The following POMK variants were observed in gnomAD, a reference collection of about 807,000 sequenced individuals.
POMK encodes the protein protein O-mannose kinase, also known as Sugen kinase 196.
POMK carries 19 observed loss-of-function variants against 23.0 expected under a neutral mutation model. The observed-to-expected ratio is 0.83, with a 90% CI of 0.58 to 1.21. The LOEUF (loss-of-function observed/expected upper bound fraction) is 1.21, where lower values mean the gene tolerates loss of function less well. POMK is among the 50% of genes most tolerant of loss of function. The pLI is 0.00. For synonymous variants in POMK, 173 were observed against 171.6 expected (o/e 1.01, Z -0.06); for missense variants, 410 against 431.3 (o/e 0.95, Z 0.44).
intron 2 of POMK, among the ~76,000 whole-genome samples, chr8:43,101,411 C>T (rs1306628450): frequency 1.4e-5 from 2 of 138,614 alleles, no homozygotes; most frequent in East Asian, 2.0e-4. Context: ...GAGTCAGACC[C>T]TATGTCAAAA....
chr8:43,113,381 C>T (rs1015969088), intron 4 of POMK, among the ~76,000 whole-genome samples: 1 of 152,144 alleles, frequency 6.6e-6, no homozygotes, highest in African/African-American at 2.4e-5. Flanking sequence ...TCACTGATAC[C>T]CTTTCTTCCA....
intron 4 of POMK, among the ~76,000 whole-genome samples, chr8:43,117,006 G>A (rs538601656): frequency 3.5e-4 from 53 of 152,094 alleles, no homozygotes; most frequent in African/African-American, 1.1e-3. Flanking sequence ...AGTGGGGGTC[G>A]CAAGGTGCTC....
chr8:43,118,525 TAAA>T (rs1398758980), intron 4 of POMK, among the ~76,000 whole-genome samples: 1 of 152,156 alleles, frequency 6.6e-6, no homozygotes, highest in African/African-American at 2.4e-5. Context: ...AATTTTATAA[TAAA>T]AAAGTAAAGT....
chr8:43,109,870 T>C (rs1811614507), intron 4 of POMK, among the ~76,000 whole-genome samples: 1 of 152,248 alleles, frequency 6.6e-6, no homozygotes, highest in Non-Finnish European at 1.5e-5. Flanking sequence ...TATGAATCTT[T>C]TATAACCCTT....
rs932495819 is a variant in POMK at position 43,110,920 on chromosome 8, TA to T, written c.282+7101del. ...GGGGTACAAGAGTGAGCCTCCGTCTTAAAAAAAAAAAGTCTTGGGGGTGAAG... is the reference window on the plus strand; with the variant it reads ...GGGGTACAAGAGTGAGCCTCCGTCTTAAAAAAAAAAGTCTTGGGGGTGAAG... On this transcript the variant is annotated intron_variant, in intron 4 of 4. Transcript: ENST00000331373. Among the ~76,000 whole-genome samples the T allele has an allele frequency of 6.6e-4, 95 of 143,866 alleles. 1 individual carries two copies. The East Asian group carries it at 6.9e-3, about 10-fold the overall frequency. The allele number at this position is 143,866 out of a possible 152,430, so 94.4% of individuals were successfully genotyped here. A position where few individuals can be genotyped will look rare whatever the true frequency, so the allele number is the denominator to read the frequency against.
intron 4 of POMK, among the ~76,000 whole-genome samples, chr8:43,113,344 G>C (rs546412760): frequency 6.6e-6 from 1 of 151,990 alleles, no homozygotes; most frequent in South Asian, 2.1e-4. Context: ...TTCCCTTCTT[G>C]CTTCATTTCT....
intron 1 of POMK, among the ~76,000 whole-genome samples, chr8:43,096,282 C>T (rs1811333502): frequency 6.6e-6 from 1 of 152,148 alleles, no homozygotes; most frequent in Non-Finnish European, 1.5e-5. Context: ...CAGGAGGCCA[C>T]ATAAGAGTTT....
intron 4 of POMK, among the ~76,000 whole-genome samples, chr8:43,106,089 G>A (rs151199652): frequency 6.6e-6 from 1 of 152,334 alleles, no homozygotes; most frequent in South Asian, 2.1e-4. Flanking sequence ...CATAATGGCT[G>A]TACTAATTTA....
chr8:43,118,971 C>T (rs1220505710), intron 4 of POMK, among the ~76,000 whole-genome samples: 1 of 152,132 alleles, frequency 6.6e-6, no homozygotes, highest in African/African-American at 2.4e-5. Context: ...GCCACCATGC[C>T]CGGCTAATTT....
chr8:43,115,226 A>T (rs1420184123), intron 4 of POMK, among the ~76,000 whole-genome samples: 2 of 152,036 alleles, frequency 1.3e-5, no homozygotes, highest in South Asian at 4.1e-4. Context: ...CTGCCTCCTC[A>T]TCCCTTCCAT....
rs531721761 is a variant in POMK at position 43,097,537 on chromosome 8, T to C, written c.-196T>C. The stretch of plus-strand genomic sequence containing the variant: ...AAACACTTAAAGAAAAAGGATCCTG[T>C]TTGCTGTGTAATCCTGAGAATGGAC... On this transcript the variant is annotated 5_prime_UTR_variant, in exon 2 of 5. Coordinates refer to ENST00000331373, the MANE Select transcript of POMK (RefSeq NM_032237.5). 2 of 152,300 alleles carry C rather than the reference T, an allele frequency of 1.3e-5. No homozygotes were observed. Among genetic ancestry groups the C allele is most frequent in the Non-Finnish European group, 2.9e-5 (2 of 68,022 alleles). The allele number at this position is 152,300 out of a possible 1,614,324, so 9.4% of individuals were successfully genotyped here.
intron 3 of POMK, among the ~76,000 whole-genome samples, chr8:43,103,206 T>G (rs1436601675): frequency 6.6e-6 from 1 of 152,176 alleles, no homozygotes; most frequent in African/African-American, 2.4e-5. Context: ...GACTAATACA[T>G]TTTGCTTTCA....
chr8:43,120,244 C>T (rs1183760779), intron 4 of POMK, among the ~76,000 whole-genome samples: 3 of 149,918 alleles, frequency 2.0e-5, no homozygotes, highest in African/African-American at 4.9e-5. Context: ...GAGTTTCACT[C>T]TTGTTCACCC....
Position 43,103,738 on chromosome 8 carries a change from C to G in POMK, c.190C>G (p.Gln64Glu). The G allele has an allele frequency of 1.2e-6, 2 of 1,614,192 alleles. No individual in the cohort carries two copies. Among genetic ancestry groups the G allele is most frequent in the Non-Finnish European group, 1.7e-6 (2 of 1,180,030 alleles). ...HCPYGHFRIG[Q>E]MKNCSPWLSC... The stretch of plus-strand genomic sequence containing the variant: ...TCCCTATGGTCACTTCAGGATAGGA[C>G]AGATGAAAAACTGCTCACCTTGGCT... Residue 64 changes from glutamine (Q) to glutamate (E), a missense_variant, in exon 4 of 5, where the codon CAG becomes GAG. Coordinates refer to ENST00000331373, the MANE Select transcript of POMK (RefSeq NM_032237.5).
At chr8:43,110,781 C>G (rs959559752) in intron 4 of POMK, among the ~76,000 whole-genome samples, 1 of 152,074 alleles carries the variant, frequency 6.6e-6, no homozygotes, top group Non-Finnish European at 1.5e-5. Context: ...GGGCGTTGTG[C>G]TGGGTGCATA....
chr8:43,107,576 C>T (rs1252089742), intron 4 of POMK, among the ~76,000 whole-genome samples: 4 of 151,898 alleles, frequency 2.6e-5, no homozygotes, highest in African/African-American at 9.7e-5. Context: ...GGTTTCACCA[C>T]GTTGGTCAGG....
At chr8:43,114,049 TG>T (rs1408687073) in intron 4 of POMK, among the ~76,000 whole-genome samples, 3 of 151,870 alleles carry the variant, frequency 2.0e-5, no homozygotes, top group Non-Finnish European at 4.4e-5. Flanking sequence ...TTAGGCTGCT[TG>T]GGGGTCAGGG....
chr8:43,103,956 A>G, intron 4 of POMK, 126 bp downstream of exon 4: 3 of 933,246 alleles, frequency 3.2e-6, no homozygotes, highest in Non-Finnish European at 1.6e-6. Flanking sequence ...AGTGTACTCC[A>G]TTGCATATGT....
At chr8:43,104,765 C>A (rs1811514150) in intron 4 of POMK, among the ~76,000 whole-genome samples, 1 of 152,010 alleles carries the variant, frequency 6.6e-6, no homozygotes, top group Non-Finnish European at 1.5e-5. Flanking sequence ...GGCAACATGG[C>A]AAAACCCAGT....
Sources: gnomAD v4.1 joint callset for allele counts (sites outside exome capture counted in the v4.1 genomes callset) on GRCh38, gnomAD v4.1.1 for gene constraint, MANE v1.5 for transcripts, NCBI Gene and HGNC (gene_info 2026-07-23, HGNC 2026-07-21) for gene names.